The following CALD1 variants were observed in gnomAD, a reference collection of about 807,000 sequenced individuals.
CALD1 encodes caldesmon 1.
Under a neutral mutation model 99.9 loss-of-function variants are expected in CALD1, and 33 were observed. The ratio of observed to expected loss-of-function variants is 0.33; its 90% CI spans 0.25 to 0.44. CALD1 has a LOEUF of 0.44. CALD1 is among the 20% of genes least tolerant of loss of function. The probability of loss-of-function intolerance (pLI) is 1.00; values close to 1 mark genes in which losing one functional copy is unlikely to be tolerated. For missense variants in CALD1, 861 were observed against 962.1 expected, an observed-to-expected ratio of 0.89 and a Z score of 1.39; for synonymous variants, 310 against 325.0, an observed-to-expected ratio of 0.95 and a Z score of 0.50.
In CALD1 at chr7:134,956,328, T is replaced by C. The variant is rs73454276; in HGVS notation, c.1936-1741T>C. Among the ~76,000 whole-genome samples the C allele has an allele frequency of 7.9e-3, 1,196 of 152,206 alleles. 14 individuals carry two copies. The highest frequency in any genetic ancestry group is 0.028 in the African/African-American group (1,142 of 41,504). ...AAAGAACCCCTCACATCTTGGAGAATTGTGTGTATCCCCTCAAAATTCATA... is the reference window on the plus strand; with the variant it reads ...AAAGAACCCCTCACATCTTGGAGAACTGTGTGTATCCCCTCAAAATTCATA... On this transcript the variant is annotated intron_variant, in intron 9 of 14. Coordinates refer to ENST00000361675, the MANE Select transcript of CALD1 (RefSeq NM_033138.4).
intron 3 of CALD1, among the ~76,000 whole-genome samples, chr7:134,886,752 G>T (rs1801871372): frequency 6.6e-6 from 1 of 152,218 alleles, no homozygotes; most frequent in Non-Finnish European, 1.5e-5. Flanking sequence ...GCGTGAGAGT[G>T]ATTAAACACT....
intron 6 of CALD1, among the ~76,000 whole-genome samples, chr7:134,939,806 A>G (rs1424700138): frequency 6.6e-6 from 1 of 152,130 alleles, no homozygotes; most frequent in Non-Finnish European, 1.5e-5. Flanking sequence ...CTACTAAAAA[A>G]TACAAAAATT....
rs1385459184 is a variant in CALD1 at position 134,968,347 on chromosome 7, A to T, written c.*2A>T. The T allele has an allele frequency of 6.2e-7, 1 of 1,613,770 alleles. No homozygotes were observed. Among genetic ancestry groups the T allele is most frequent in the Non-Finnish European group, 8.5e-7 (1 of 1,179,734 alleles). ...GTTCTCTTCTCTTGGCAGGTTTGAG[A>T]CAGTTCCAGAAAGAACCCAAGCTCA... On this transcript the variant is annotated 3_prime_UTR_variant, in exon 15 of 15. Transcript: ENST00000361675.
At chr7:134,911,587 GT>G (rs374295350) in intron 3 of CALD1, among the ~76,000 whole-genome samples, 1 of 152,298 alleles carries the variant, frequency 6.6e-6, no homozygotes, top group African/African-American at 2.4e-5. Context: ...AAGCACTGTT[GT>G]TCTGTATATG....
intron 3 of CALD1, among the ~76,000 whole-genome samples, chr7:134,926,423 T>C (rs1805024091): frequency 6.6e-6 from 1 of 152,188 alleles, no homozygotes; most frequent in Non-Finnish European, 1.5e-5. Context: ...AACCAGCCCA[T>C]TTTATAGAAT....
intron 1 of CALD1, among the ~76,000 whole-genome samples, chr7:134,791,690 C>G (rs1563004292): frequency 6.6e-6 from 1 of 152,164 alleles, no homozygotes; most frequent in Non-Finnish European, 1.5e-5. Flanking sequence ...ACAAAAAAAC[C>G]TGTAAATAGT....
chr7:134,840,411 A>G (rs1224383958), intron 1 of CALD1, among the ~76,000 whole-genome samples: 1 of 152,190 alleles, frequency 6.6e-6, no homozygotes, highest in African/African-American at 2.4e-5. Flanking sequence ...AGACTCCTTC[A>G]ACCTCTGGTT....
At chr7:134,795,224 C>G (rs1038198572) in intron 1 of CALD1, among the ~76,000 whole-genome samples, 1 of 152,080 alleles carries the variant, frequency 6.6e-6, no homozygotes, top group African/African-American at 2.4e-5. Context: ...TTGGAGCCCC[C>G]ATAATTCCCA....
chr7:134,835,923 A>G (rs758129442), intron 1 of CALD1, among the ~76,000 whole-genome samples: 4 of 152,068 alleles, frequency 2.6e-5, no homozygotes, highest in Non-Finnish European at 5.9e-5. Flanking sequence ...AGTCAGGCGG[A>G]TCACCTGAGT....
chr7:134,816,918 A>C (rs1355061087), intron 1 of CALD1, among the ~76,000 whole-genome samples: 1 of 152,194 alleles, frequency 6.6e-6, no homozygotes, highest in East Asian at 1.9e-4. Context: ...TTATTAAAAA[A>C]TTATGTCTTC....
intron 7 of CALD1, among the ~76,000 whole-genome samples, chr7:134,946,847 A>T (rs1274140729): frequency 2.1e-5 from 3 of 144,032 alleles, no homozygotes; most frequent in East Asian, 4.0e-4. Flanking sequence ...CGCCCGGCTA[A>T]TTTTTTTTTT....
chr7:134,903,810 A>G (rs1803171125), intron 3 of CALD1, among the ~76,000 whole-genome samples: 1 of 152,126 alleles, frequency 6.6e-6, no homozygotes, highest in African/African-American at 2.4e-5. Context: ...GCCACATTCT[A>G]GGGTACTGGG....
At chr7:134,887,719 T>C (rs1369362668) in intron 3 of CALD1, among the ~76,000 whole-genome samples, 1 of 148,732 alleles carries the variant, frequency 6.7e-6, no homozygotes, top group Non-Finnish European at 1.5e-5. Flanking sequence ...TATGCATGCA[T>C]GCGTATATGT....
chr7:134,737,384 T>C, the CALD1 span, among the ~76,000 whole-genome samples: 1 of 152,098 alleles, frequency 6.6e-6, no homozygotes, highest in African/African-American at 2.4e-5. Context: ...CCACCTTGGC[T>C]TCCCAAAGTA....
intron 1 of CALD1, among the ~76,000 whole-genome samples, chr7:134,800,618 G>A (rs559109164): frequency 6.6e-6 from 1 of 151,888 alleles, no homozygotes; most frequent in South Asian, 2.1e-4. Context: ...ATCTTAAAGT[G>A]GGTCTCATTA....
intron 2 of CALD1, among the ~76,000 whole-genome samples, chr7:134,864,111 G>A (rs1308703782): frequency 6.6e-6 from 1 of 152,132 alleles, no homozygotes; most frequent in African/African-American, 2.4e-5. Context: ...AGCACTTTGG[G>A]AGGCCGAGGG....
chr7:134,821,115 A>G (rs771640346), intron 1 of CALD1, among the ~76,000 whole-genome samples: 1 of 152,192 alleles, frequency 6.6e-6, no homozygotes, highest in Non-Finnish European at 1.5e-5. Flanking sequence ...TAAATGTTAC[A>G]TACCTTGGCA....
chr7:134,839,388 T>C (rs1480110441), intron 1 of CALD1, among the ~76,000 whole-genome samples: 1 of 152,232 alleles, frequency 6.6e-6, no homozygotes, highest in Non-Finnish European at 1.5e-5. Flanking sequence ...TCATGTCTTC[T>C]GGTGAATATA....
At chr7:134,899,307 G>A (rs528357816) in intron 3 of CALD1, among the ~76,000 whole-genome samples, 10 of 151,348 alleles carry the variant, frequency 6.6e-5, no homozygotes, top group East Asian at 2.0e-4. Context: ...AGGTTCAAGC[G>A]ATTCTCCTGC....
Sources: allele counts gnomAD v4.1 joint callset (sites outside exome capture counted in the v4.1 genomes callset), GRCh38; gene constraint gnomAD v4.1.1; transcripts MANE v1.5; gene names NCBI Gene and HGNC (gene_info 2026-07-23, HGNC 2026-07-21).